MAP2K6: variants seen among roughly 807,000 people sequenced by gnomAD.
MAP2K6 encodes the protein dual specificity mitogen-activated protein kinase kinase 6.
A neutral mutation model predicts 53.7 loss-of-function variants in MAP2K6; 16 were observed. The ratio of observed to expected loss-of-function variants is 0.30; its 90% CI spans 0.20 to 0.45. The LOEUF is 0.45. MAP2K6 is among the 20% of genes least tolerant of loss of function. The probability of loss-of-function intolerance (pLI) is 1.00; values close to 1 mark genes in which losing one functional copy is unlikely to be tolerated. For missense variants in MAP2K6, 204 were observed against 411.9 expected (o/e 0.50, Z 4.37); for synonymous variants, 132 against 143.1 (o/e 0.92, Z 0.55).
rs148946210 is a variant in MAP2K6 at position 69,495,471 on chromosome 17, G to C, written c.17-10309G>C. 2.9e-4 allele frequency among the ~76,000 whole-genome samples: 44 copies of C among 152,046 alleles called. No homozygotes were observed. The East Asian group carries it at 8.3e-3, about 29-fold the overall frequency. ...GGGTGGTCTCAAACTCCAGACCTCA[G>C]GTGATCCACTCGCCTCAGCCTCCCA... On this transcript the variant is annotated intron_variant, in intron 1 of 11. Coordinates refer to ENST00000590474, the MANE Select transcript of MAP2K6 (RefSeq NM_002758.4).
intron 1 of MAP2K6, chr17:69,435,405 C>G (rs1906606635): frequency 6.6e-6 from 1 of 151,700 alleles, no homozygotes; most frequent in Non-Finnish European, 1.5e-5. Context: ...TGTGGTGGCA[C>G]ATGCCTGTAG....
chr17:69,478,251 C>A (rs948616351), intron 1 of MAP2K6, among the ~76,000 whole-genome samples: 1 of 152,172 alleles, frequency 6.6e-6, no homozygotes, highest in African/African-American at 2.4e-5. Context: ...ACCAAAGAGG[C>A]CAGTTTGCTT....
intron 1 of MAP2K6, among the ~76,000 whole-genome samples, chr17:69,422,214 C>A (rs1906112970): frequency 6.7e-6 from 1 of 148,290 alleles, no homozygotes. Flanking sequence ...TCACTGAAAC[C>A]TCTGATTCCC....
chr17:69,498,511 G>A (rs563435832), intron 1 of MAP2K6, among the ~76,000 whole-genome samples: 1 of 152,224 alleles, frequency 6.6e-6, no homozygotes, highest in Admixed American at 6.5e-5. Context: ...TCCTTTTGGG[G>A]CAGTTTCACC....
chr17:69,519,178 C>A, intron 4 of MAP2K6, 135 bp from the exon 5 acceptor site: 1 of 864,578 alleles, frequency 1.2e-6, no homozygotes, highest in African/African-American at 1.7e-5. Flanking sequence ...AATAGCTAAT[C>A]ACTTTGGGTG....
chr17:69,498,650 C>CACACACACACA (rs1235459376), intron 1 of MAP2K6, among the ~76,000 whole-genome samples: 1 of 145,420 alleles, frequency 6.9e-6, no homozygotes, highest in Admixed American at 6.9e-5. Flanking sequence ...CACCTGGAAG[C>CACACACACACA]CACACACACA....
intron 1 of MAP2K6, among the ~76,000 whole-genome samples, chr17:69,421,188 G>A (rs1265190586): frequency 6.6e-6 from 1 of 152,088 alleles, no homozygotes; most frequent in Admixed American, 6.5e-5. Flanking sequence ...GAAAGATTTC[G>A]GGTAATTAAA....
Position 69,419,132 on chromosome 17 carries a change from C to T in MAP2K6, c.16+4132C>T, listed in dbSNP as rs116887291. 1.8e-4 allele frequency among the ~76,000 whole-genome samples: 28 copies of T among 152,160 alleles called. No individual in the cohort carries two copies. In the East Asian group the frequency reaches 3.9e-3, roughly 21 times the overall value. ...ATAAGGTTACCTATTTTTTAACAAC[C>T]GTGAATTTTAATTTGTAAGAATGTA... On this transcript the variant is annotated intron_variant, in intron 1 of 11. Coordinates refer to ENST00000590474, the MANE Select transcript of MAP2K6 (RefSeq NM_002758.4).
At chr17:69,497,938 G>A (rs1909008223) in intron 1 of MAP2K6, among the ~76,000 whole-genome samples, 1 of 151,854 alleles carries the variant, frequency 6.6e-6, no homozygotes, top group Non-Finnish European at 1.5e-5. Context: ...ATACCACTTC[G>A]TATGTGAGAC....
At chr17:69,513,299 C>T (rs781574889) in intron 2 of MAP2K6, among the ~76,000 whole-genome samples, 3 of 152,160 alleles carry the variant, frequency 2.0e-5, no homozygotes, top group Admixed American at 6.5e-5. Flanking sequence ...CAGTCTGCCT[C>T]GATGGGAATC....
intron 8 of MAP2K6, 131 bp from the exon 9 acceptor site, chr17:69,524,770 C>G: frequency 1.7e-6 from 1 of 575,522 alleles, no homozygotes; most frequent in South Asian, 2.2e-5. Flanking sequence ...TCTTCTTGGC[C>G]TTGGTGGCAT....
chr17:69,523,363 CTG>C, intron 7 of MAP2K6, 149 bp from the exon 8 acceptor site: 1 of 830,496 alleles, frequency 1.2e-6, no homozygotes, highest in Non-Finnish European at 2.0e-6. Context: ...CTGTTGTTAA[CTG>C]TGGGTCAGGG....
intron 1 of MAP2K6, among the ~76,000 whole-genome samples, chr17:69,416,731 A>G (rs817550): frequency 0.39 from 58,540 of 152,020 alleles, 11,797 homozygotes; most frequent in Middle Eastern, 0.46. Context: ...AATACAAGAT[A>G]ATAGGACAGG....
intron 10 of MAP2K6, among the ~76,000 whole-genome samples, chr17:69,530,372 A>G (rs537075783): frequency 6.6e-6 from 1 of 152,258 alleles, no homozygotes; most frequent in African/African-American, 2.4e-5. Flanking sequence ...AAAATATGAA[A>G]CTATCTAGAA....
intron 10 of MAP2K6, among the ~76,000 whole-genome samples, chr17:69,531,087 A>G (rs1053887305): frequency 6.7e-6 from 1 of 148,778 alleles, no homozygotes; most frequent in Non-Finnish European, 1.5e-5. Flanking sequence ...CATGTTTTTT[A>G]TATTTTTATT....
rs1912010762 is a variant in MAP2K6 at position 69,549,532 on chromosome 17, G to C, written c.*7779G>C. 6.6e-6 allele frequency: 1 copy of C among 152,100 alleles called. No individual in the cohort carries two copies. Among genetic ancestry groups the C allele is most frequent in the African/African-American group, 2.4e-5 (1 of 41,418 alleles). The allele number at this position is 152,100 out of a possible 1,614,324, so 9.4% of individuals were successfully genotyped here. On this transcript the variant is annotated 3_prime_UTR_variant, in exon 12 of 12. Coordinates refer to ENST00000590474, the MANE Select transcript of MAP2K6 (RefSeq NM_002758.4). ...GCTTTTGTGGTAAGGAACTGATCTG[G>C]CCATTTTCATATAACAAAAATCAAA...
intron 2 of MAP2K6, among the ~76,000 whole-genome samples, chr17:69,513,576 C>T (rs1043766310): frequency 6.6e-5 from 10 of 152,046 alleles, no homozygotes; most frequent in Non-Finnish European, 1.5e-4. Flanking sequence ...TGTAAAAGGC[C>T]GGATACTAAA....
intron 1 of MAP2K6, among the ~76,000 whole-genome samples, chr17:69,463,371 G>A (rs1907686286): frequency 6.7e-6 from 1 of 148,356 alleles, no homozygotes; most frequent in African/African-American, 2.5e-5. Context: ...ATATATGTAT[G>A]TGTATATATA....
At chr17:69,520,097 C>T (rs977768192) in intron 5 of MAP2K6, 173 bp from the exon 6 acceptor site, 3 of 564,412 alleles carry the variant, frequency 5.3e-6, no homozygotes, top group Non-Finnish European at 9.2e-6. Flanking sequence ...TTGTAGATAA[C>T]CTTGCTTATT....
Sources: allele counts gnomAD v4.1 joint callset (sites outside exome capture counted in the v4.1 genomes callset), GRCh38; gene constraint gnomAD v4.1.1; transcripts MANE v1.5; gene names NCBI Gene and HGNC (gene_info 2026-07-23, HGNC 2026-07-21).